Variants in SLC22A14 observed in about 807,000 individuals in gnomAD.
SLC22A14 encodes solute carrier family 22 member 14.
In SLC22A14, 50 loss-of-function variants were observed where a neutral mutation model predicts 53.9. That is an observed-to-expected ratio of 0.93 (90% CI 0.74 to 1.17). SLC22A14 has a LOEUF of 1.17. Among genes scored for constraint, SLC22A14 ranks in the 50% most tolerant of loss-of-function variants. The pLI is 0.00. For missense variants in SLC22A14, 671 were observed against 734.7 expected (o/e 0.91, Z 1.00); for synonymous variants, 312 against 303.0 (o/e 1.03, Z -0.31).
At chr3:38,295,567 T>C (rs542362882) in intron 1 of SLC22A14, among the ~76,000 whole-genome samples, 36 of 152,354 alleles carry the variant, frequency 2.4e-4, no homozygotes, top group Non-Finnish European at 4.4e-4. Context: ...TGGAGTGTTA[T>C]AGGGTCACAG....
chr3:38,280,627 G>A (rs1703646365), upstream of SLC22A14, among the ~76,000 whole-genome samples: 1 of 147,918 alleles, frequency 6.8e-6, no homozygotes, highest in Non-Finnish European at 1.5e-5. Flanking sequence ...GAGAGTTCTG[G>A]GATCTTTTTT....
chr3:38,286,166 C>T (rs1703786713), intron 1 of SLC22A14, among the ~76,000 whole-genome samples: 1 of 152,144 alleles, frequency 6.6e-6, no homozygotes, highest in Non-Finnish European at 1.5e-5. Context: ...TGCTTGAACC[C>T]AGGGGGTGAA....
In SLC22A14 at chr3:38,315,253, T is replaced by C. The variant is rs3828442; in HGVS notation, c.1379-305T>C. ...CCCCAGTGGGGTGAGGAAGCTGCAA[T>C]TGGGTGAGGAGGTGGAACGAAGACA... On this transcript the variant is annotated intron_variant, in intron 8 of 10. Coordinates refer to ENST00000448498, the MANE Select transcript of SLC22A14 (RefSeq NM_001320033.2). Among the ~76,000 whole-genome samples, 6 of 152,228 alleles carry C rather than the reference T, an allele frequency of 3.9e-5. No individual in the cohort carries two copies. In the East Asian group the frequency reaches 1.2e-3, roughly 29 times the overall value.
At chr3:38,290,993 T>G (rs1165389008) in intron 1 of SLC22A14, among the ~76,000 whole-genome samples, 1 of 152,208 alleles carries the variant, frequency 6.6e-6, no homozygotes, top group Non-Finnish European at 1.5e-5. Flanking sequence ...AGGTGTTCCC[T>G]CAGAAGTTAG....
At chr3:38,311,087 G>A (rs1338651497) in intron 5 of SLC22A14, among the ~76,000 whole-genome samples, 1 of 152,216 alleles carries the variant, frequency 6.6e-6, no homozygotes, top group African/African-American at 2.4e-5. Flanking sequence ...TATCTAAGGA[G>A]TTCTCTTGAA....
intron 1 of SLC22A14, among the ~76,000 whole-genome samples, chr3:38,284,260 A>C (rs1226390552): frequency 6.6e-6 from 1 of 152,204 alleles, no homozygotes; most frequent in Non-Finnish European, 1.5e-5. Flanking sequence ...CGAGGGGCTC[A>C]TGGTGGCTTC....
At chr3:38,291,212 C>T (rs540414664) in intron 1 of SLC22A14, among the ~76,000 whole-genome samples, 5 of 152,262 alleles carry the variant, frequency 3.3e-5, no homozygotes, top group African/African-American at 7.2e-5. Context: ...CCCCGCTTTT[C>T]GAAGTCCTTT....
upstream of SLC22A14, among the ~76,000 whole-genome samples, chr3:38,280,847 C>A (rs141531399): frequency 9.6e-3 from 1,462 of 152,342 alleles, 23 homozygotes; most frequent in African/African-American, 0.033. Context: ...CCAGGCTGGT[C>A]TTGAACTCCT....
chr3:38,297,062 A>AG (rs747389382), intron 1 of SLC22A14, among the ~76,000 whole-genome samples: 12 of 152,222 alleles, frequency 7.9e-5, no homozygotes, highest in Non-Finnish European at 1.5e-4. Flanking sequence ...GGACCCAAAG[A>AG]GGGTAGCCGT....
chr3:38,293,076 G>A (rs1266683354), intron 1 of SLC22A14, among the ~76,000 whole-genome samples: 1 of 152,136 alleles, frequency 6.6e-6, no homozygotes. Context: ...GTGATGGCAT[G>A]GGCTGGTGCT....
chr3:38,314,982 A>C (rs546856283), intron 8 of SLC22A14, among the ~76,000 whole-genome samples: 1 of 152,338 alleles, frequency 6.6e-6, no homozygotes, highest in Non-Finnish European at 1.5e-5. Flanking sequence ...AGAGGCTGAC[A>C]GGCAGGCAGG....
intron 1 of SLC22A14, among the ~76,000 whole-genome samples, chr3:38,301,055 G>A (rs75563253): frequency 0.059 from 9,019 of 152,036 alleles, 318 homozygotes; most frequent in East Asian, 0.16. Context: ...CTGGCCTCAG[G>A]CATTTCTCCC....
upstream of SLC22A14, among the ~76,000 whole-genome samples, chr3:38,278,838 A>AAAAAAAG (rs1703616591): frequency 6.6e-6 from 1 of 151,494 alleles, no homozygotes; most frequent in African/African-American, 2.4e-5. Context: ...AAAAAAAAAA[A>AAAAAAAG]AAAGATGGCC....
At chr3:38,302,290 T>A (rs28684368) in intron 1 of SLC22A14, among the ~76,000 whole-genome samples, 18 of 145,344 alleles carry the variant, frequency 1.2e-4, no homozygotes, top group Non-Finnish European at 1.8e-4. Flanking sequence ...ACATATATAT[T>A]TATATATACA....
chr3:38,294,577 C>T (rs1703985275), intron 1 of SLC22A14, among the ~76,000 whole-genome samples: 1 of 151,678 alleles, frequency 6.6e-6, no homozygotes, highest in African/African-American at 2.4e-5. Flanking sequence ...CATAGGGATG[C>T]CAGCACCCCT....
In SLC22A14 at chr3:38,306,676, G is replaced by T. The variant is rs892957446; in HGVS notation, c.516+134G>T. The T allele has an allele frequency of 2.0e-5, 17 of 838,398 alleles. No homozygotes were observed. In the African/African-American group the frequency reaches 2.7e-4, roughly 13 times the overall value. The allele number at this position is 838,398 out of a possible 1,614,324, so 51.9% of individuals were successfully genotyped here. A position where few individuals can be genotyped will look rare whatever the true frequency, so the allele number is the denominator to read the frequency against. On this transcript the variant is annotated intron_variant, in intron 2 of 10. Coordinates refer to ENST00000448498, the MANE Select transcript of SLC22A14 (RefSeq NM_001320033.2). Reference sequence around the variant, plus strand: ...GCCTGAGGTCAACCTGCAGAGGCAGGGTCTGGGCAGAAAATTAGATTCCTG... The same window carrying T: ...GCCTGAGGTCAACCTGCAGAGGCAGTGTCTGGGCAGAAAATTAGATTCCTG...
intron 1 of SLC22A14, among the ~76,000 whole-genome samples, chr3:38,294,801 C>T (rs1703991022): frequency 6.6e-6 from 1 of 152,124 alleles, no homozygotes; most frequent in Non-Finnish European, 1.5e-5. Flanking sequence ...GCATGCCCAA[C>T]ATTGCCTTTG....
At chr3:38,299,753 G>C (rs1299923372) in intron 1 of SLC22A14, among the ~76,000 whole-genome samples, 1 of 152,044 alleles carries the variant, frequency 6.6e-6, no homozygotes, top group Non-Finnish European at 1.5e-5. Flanking sequence ...TGTAGAGATG[G>C]GTCTTATTTT....
intron 10 of SLC22A14, among the ~76,000 whole-genome samples, chr3:38,317,522 A>G (rs1704655688): frequency 6.6e-6 from 1 of 152,212 alleles, no homozygotes; most frequent in African/African-American, 2.4e-5. Context: ...TGAAGGATGG[A>G]TAGAAACTTG....
Sources: gnomAD v4.1 joint callset for allele counts (sites outside exome capture counted in the v4.1 genomes callset) on GRCh38, gnomAD v4.1.1 for gene constraint, MANE v1.5 for transcripts, NCBI Gene and HGNC (gene_info 2026-07-23, HGNC 2026-07-21) for gene names.